Variants in MSI2 observed in about 807,000 individuals in gnomAD.
MSI2 encodes RNA-binding protein Musashi homolog 2.
Under a neutral mutation model 45.6 loss-of-function variants are expected in MSI2, and 17 were observed. The ratio of observed to expected loss-of-function variants is 0.37; its 90% CI spans 0.26 to 0.56. The LOEUF (loss-of-function observed/expected upper bound fraction) is 0.56, where lower values mean the gene tolerates loss of function less well. MSI2 is among the 20% of genes least tolerant of loss of function. MSI2 has a pLI of 0.77. For missense variants in MSI2, 293 were observed against 444.2 expected (o/e 0.66, Z 3.06); for synonymous variants, 156 against 158.2 (o/e 0.99, Z 0.11).
chr17:57,478,176 A>G (rs1178170317), intron 6 of MSI2, among the ~76,000 whole-genome samples: 2 of 152,178 alleles, frequency 1.3e-5, no homozygotes, highest in Non-Finnish European at 2.9e-5. Flanking sequence ...CTGCAGGCCA[A>G]AAGCCAATAG....
intron 5 of MSI2, among the ~76,000 whole-genome samples, chr17:57,324,211 C>T (rs550026507): frequency 6.6e-6 from 1 of 152,272 alleles, no homozygotes; most frequent in South Asian, 2.1e-4. Context: ...GGAGGGGTGG[C>T]CGGGAGAGTC....
intron 6 of MSI2, among the ~76,000 whole-genome samples, chr17:57,524,915 A>G (rs1440296360): frequency 6.6e-6 from 1 of 152,186 alleles, no homozygotes; most frequent in Admixed American, 6.5e-5. Flanking sequence ...TCATGGAAAG[A>G]GGGGTCTCTG....
chr17:57,421,522 G>C lies in MSI2; in HGVS notation c.405+20051G>C, dbSNP rs149630560. On this transcript the variant is annotated intron_variant, in intron 6 of 13. Transcript: ENST00000284073. ...ACTTCCTCTCTGCCTCTCTCCCTCTGTCCCTCCTCCCCATTCATTCTCCTC... is the reference window on the plus strand; with the variant it reads ...ACTTCCTCTCTGCCTCTCTCCCTCTCTCCCTCCTCCCCATTCATTCTCCTC... 4.6e-3 allele frequency among the ~76,000 whole-genome samples: 671 copies of C among 147,240 alleles called. 3 individuals are homozygous for C. The highest frequency in any genetic ancestry group is 0.016 in the African/African-American group (650 of 41,200).
Position 57,408,542 on chromosome 17 carries a change from A to C in MSI2, c.405+7071A>C, listed in dbSNP as rs143069571. Among the ~76,000 whole-genome samples, 21 of 147,778 alleles carry C rather than the reference A, an allele frequency of 1.4e-4. 1 individual carries two copies. The East Asian group carries it at 4.6e-3, about 32-fold the overall frequency. On this transcript the variant is annotated intron_variant, in intron 6 of 13. Coordinates refer to ENST00000284073, the MANE Select transcript of MSI2 (RefSeq NM_138962.4). The stretch of plus-strand genomic sequence containing the variant: ...CTGCTGCGGCAAGGAGAGGAGAGCC[A>C]GCGGTAGGGGAGCCCTTGGGCACAA...
intron 6 of MSI2, among the ~76,000 whole-genome samples, chr17:57,466,475 A>G (rs1205545442): frequency 6.6e-6 from 1 of 152,178 alleles, no homozygotes; most frequent in African/African-American, 2.4e-5. Flanking sequence ...AAAATATTCC[A>G]GACAGATATT....
At chr17:57,518,464 A>G (rs1418771313) in intron 6 of MSI2, among the ~76,000 whole-genome samples, 3 of 152,220 alleles carry the variant, frequency 2.0e-5, no homozygotes, top group Admixed American at 6.5e-5. Context: ...ATTAGGACAG[A>G]TGAGGTGGCT....
chr17:57,523,837 C>T (rs570247521), intron 6 of MSI2, among the ~76,000 whole-genome samples: 276 of 152,270 alleles, frequency 1.8e-3, no homozygotes, highest in African/African-American at 6.4e-3. Context: ...TTATTTTAGA[C>T]TGTCTATCTT....
intron 5 of MSI2, among the ~76,000 whole-genome samples, chr17:57,374,651 C>T (rs374850796): frequency 4.6e-5 from 7 of 152,162 alleles, no homozygotes; most frequent in East Asian, 1.9e-4. Flanking sequence ...GGTGGTGCAG[C>T]GCCTGTAATC....
chr17:57,312,430 T>C (rs1346201788), intron 5 of MSI2, among the ~76,000 whole-genome samples: 6 of 152,204 alleles, frequency 3.9e-5, no homozygotes, highest in African/African-American at 1.4e-4. Context: ...GCTTCAAGGC[T>C]GCAGGCTCCC....
chr17:57,677,046 C>A lies in MSI2; in HGVS notation c.*18C>A. The A allele has an allele frequency of 4.3e-6, 7 of 1,612,590 alleles. No homozygotes were observed. Among genetic ancestry groups the A allele is most frequent in the Non-Finnish European group, 5.9e-6 (7 of 1,178,616 alleles). ...ACCATTGAGCAGGTGCTTTCGTTGC[C>A]ATCTCACTCTGAGGTATTACCGTCT... On this transcript the variant is annotated 3_prime_UTR_variant, in exon 13 of 14. Transcript: ENST00000284073.
chr17:57,422,767 C>T (rs1452942124), intron 6 of MSI2, among the ~76,000 whole-genome samples: 2 of 152,350 alleles, frequency 1.3e-5, no homozygotes, highest in Non-Finnish European at 1.5e-5. Flanking sequence ...CATCACTTGA[C>T]ATTTAAGCCT....
chr17:57,546,309 C>T (rs924079958), intron 7 of MSI2, among the ~76,000 whole-genome samples: 2 of 152,104 alleles, frequency 1.3e-5, no homozygotes, highest in Non-Finnish European at 2.9e-5. Flanking sequence ...AACAAGGGAC[C>T]GCGGTTATTG....
At position 57,596,752 on chromosome 17, in the gene MSI2, C is replaced by T; in HGVS notation, c.455-116C>T. On this transcript the variant is annotated intron_variant, in intron 7 of 13. Coordinates refer to ENST00000284073, the MANE Select transcript of MSI2 (RefSeq NM_138962.4). The surrounding 1 kb of genome is among the most constrained non-coding windows in gnomAD (Gnocchi z 4.6). Reference sequence around the variant, plus strand: ...AAGGTCCTCCCAAGGATCCGCCTACCTACCCCCAGACCAGGAGGCTGTCAA... The same window carrying T: ...AAGGTCCTCCCAAGGATCCGCCTACTTACCCCCAGACCAGGAGGCTGTCAA... 1.4e-6 allele frequency: 1 copy of T among 704,730 alleles called. No homozygotes were observed. Among genetic ancestry groups the T allele is most frequent in the Non-Finnish European group, 2.6e-6 (1 of 391,856 alleles). The allele number at this position is 704,730 out of a possible 1,614,324, so 43.7% of individuals were successfully genotyped here. A position where few individuals can be genotyped will look rare whatever the true frequency, so the allele number is the denominator to read the frequency against.
At chr17:57,326,187 C>T (rs566143540) in intron 5 of MSI2, among the ~76,000 whole-genome samples, 1 of 152,232 alleles carries the variant, frequency 6.6e-6, no homozygotes, top group East Asian at 1.9e-4. Context: ...TCATATCCCC[C>T]AAATTTTGAA....
intron 6 of MSI2, among the ~76,000 whole-genome samples, chr17:57,433,128 G>C (rs910874871): frequency 1.3e-5 from 2 of 152,138 alleles, no homozygotes; most frequent in African/African-American, 2.4e-5. Flanking sequence ...TTTGAGACCT[G>C]TGTGGAACAA....
chr17:57,599,206 T>C (rs1037256370), intron 8 of MSI2, among the ~76,000 whole-genome samples: 3 of 152,154 alleles, frequency 2.0e-5, no homozygotes, highest in Non-Finnish European at 4.4e-5. Flanking sequence ...CTTGAATGCA[T>C]ATGTGTAGCC....
intron 10 of MSI2, chr17:57,632,766 C>T: frequency 9.4e-7 from 1 of 1,065,830 alleles, no homozygotes; most frequent in Non-Finnish European, 1.1e-6. Flanking sequence ...TTTGTCTGTG[C>T]TGGTAGTTTG....
At chr17:57,494,512 G>C (rs1186194082) in intron 6 of MSI2, among the ~76,000 whole-genome samples, 2 of 152,176 alleles carry the variant, frequency 1.3e-5, no homozygotes, top group Non-Finnish European at 2.9e-5. Context: ...ACTACATAAG[G>C]ACCTGCGTTT....
chr17:57,295,176 G>T (rs1299478519), intron 5 of MSI2, among the ~76,000 whole-genome samples: 1 of 152,176 alleles, frequency 6.6e-6, no homozygotes, highest in Non-Finnish European at 1.5e-5. Context: ...TCATGGTCAT[G>T]TGTCTTTCTG....
Sources: gnomAD v4.1 joint callset for allele counts (sites outside exome capture counted in the v4.1 genomes callset) on GRCh38, gnomAD v4.1.1 for gene constraint, Gnocchi (gnomAD v3.1) non-coding constraint, MANE v1.5 for transcripts, NCBI Gene and HGNC (gene_info 2026-07-23, HGNC 2026-07-21) for gene names.